Variants in CTNNA3 observed in about 807,000 individuals in gnomAD.
CTNNA3 encodes the protein catenin alpha 3.
A neutral mutation model predicts 95.7 loss-of-function variants in CTNNA3; 76 were observed. That is an observed-to-expected ratio of 0.79 (90% CI 0.66 to 0.96). The LOEUF (loss-of-function observed/expected upper bound fraction) is 0.96. CTNNA3 is among the 40% of genes least tolerant of loss of function. CTNNA3 has a pLI of 0.00. For missense variants in CTNNA3, 1,191 were observed against 1,089.8 expected (o/e 1.09, Z -1.31); for synonymous variants, 431 against 374.4 (o/e 1.15, Z -1.74).
chr10:67,523,181 C>T (rs571390303), intron 4 of CTNNA3, among the ~76,000 whole-genome samples: 157 of 152,200 alleles, frequency 1.0e-3, no homozygotes, highest in Admixed American at 1.9e-3. Context: ...CAGTGCTAAG[C>T]TTCCATGACA....
At chr10:67,336,780 G>T (rs976788917) in intron 5 of CTNNA3, among the ~76,000 whole-genome samples, 10 of 152,248 alleles carry the variant, frequency 6.6e-5, no homozygotes, top group Middle Eastern at 3.4e-3. Flanking sequence ...TAAGAACTGT[G>T]ATAAATCTAC....
chr10:66,104,646 G>A (rs2133751279), intron 13 of CTNNA3, among the ~76,000 whole-genome samples: 1 of 152,210 alleles, frequency 6.6e-6, no homozygotes, highest in East Asian at 1.9e-4. Flanking sequence ...CACTCTGTAT[G>A]ATTCCTTTGC....
At chr10:66,859,976 T>G (rs1589345035) in intron 7 of CTNNA3, among the ~76,000 whole-genome samples, 1 of 114,386 alleles carries the variant, frequency 8.7e-6, no homozygotes, top group Non-Finnish European at 1.7e-5. Flanking sequence ...TGAGAACACA[T>G]GGACACAGGA....
chr10:66,063,316 AT>A (rs370596664), intron 15 of CTNNA3, among the ~76,000 whole-genome samples: 11,917 of 134,906 alleles, frequency 0.088, 615 homozygotes, highest in Non-Finnish European at 0.14. Context: ...CTATATATAT[AT>A]ATAATATATA....
intron 11 of CTNNA3, among the ~76,000 whole-genome samples, chr10:66,433,962 G>A (rs1013685502): frequency 2.6e-5 from 4 of 152,164 alleles, no homozygotes; most frequent in Non-Finnish European, 5.9e-5. Flanking sequence ...TAGATGTGTG[G>A]TGTTATTTCT....
At chr10:67,382,881 A>T (rs1487886695) in intron 5 of CTNNA3, among the ~76,000 whole-genome samples, 6 of 152,082 alleles carry the variant, frequency 3.9e-5, no homozygotes, top group Admixed American at 3.9e-4. Context: ...TTTCATGTGA[A>T]CTCATACAGT....
intron 13 of CTNNA3, among the ~76,000 whole-genome samples, chr10:66,148,041 T>A (rs988701705): frequency 6.6e-6 from 1 of 151,772 alleles, no homozygotes; most frequent in Non-Finnish European, 1.5e-5. Context: ...ATTTCCTATA[T>A]CCTTGATTGT....
At chr10:67,021,126 C>G (rs10762127) in intron 7 of CTNNA3, among the ~76,000 whole-genome samples, 13 of 152,058 alleles carry the variant, frequency 8.5e-5, no homozygotes, top group Non-Finnish European at 1.5e-4. Context: ...TAAAATGTGA[C>G]GGAAGAGGAA....
At position 67,514,902 on chromosome 10, in the gene CTNNA3, A is replaced by G. The variant is rs1839764576; in HGVS notation, c.579+6940T>C. Reference sequence around the variant, plus strand: ...AAAATTAATAAATCTTCTCTGGTGCATGAAAATCAGCTAACGCTTGACTCA... The same window carrying G: ...AAAATTAATAAATCTTCTCTGGTGCGTGAAAATCAGCTAACGCTTGACTCA... On this transcript the variant is annotated intron_variant, in intron 5 of 17. Transcript: ENST00000433211. 2.6e-5 allele frequency among the ~76,000 whole-genome samples: 4 copies of G among 152,236 alleles called. No homozygotes were observed. The South Asian group carries it at 8.3e-4, about 31-fold the overall frequency.
rs762187965 is a variant in CTNNA3, at chr10:65,920,328, T to C, written c.*2A>G. On this transcript the variant is annotated 3_prime_UTR_variant, in exon 18 of 18. Transcript: ENST00000433211. ...ATAGGCACTATATGTAGAATAGTGG[T>C]TTCAGTAGATTTGTCTTCCTCTAAA... 1 of 1,612,504 alleles carries C rather than the reference T, an allele frequency of 6.2e-7. No homozygotes were observed. Among genetic ancestry groups the C allele is most frequent in the East Asian group, 2.2e-5 (1 of 44,876 alleles).
intron 11 of CTNNA3, among the ~76,000 whole-genome samples, chr10:66,397,023 A>T (rs553251820): frequency 2.0e-5 from 3 of 151,842 alleles, no homozygotes; most frequent in South Asian, 4.2e-4. Flanking sequence ...GTATCTATTA[A>T]ATAGGACCCT....
At chr10:67,356,919 C>T (rs577843381) in intron 5 of CTNNA3, among the ~76,000 whole-genome samples, 2 of 152,218 alleles carry the variant, frequency 1.3e-5, no homozygotes, top group African/African-American at 4.8e-5. Context: ...ACTGGTTTCA[C>T]TTTAAATTCA....
At chr10:67,253,019 TC>T (rs1326462549) in intron 5 of CTNNA3, among the ~76,000 whole-genome samples, 6 of 152,182 alleles carry the variant, frequency 3.9e-5, no homozygotes, top group Non-Finnish European at 7.4e-5. Flanking sequence ...ATTATTTTTT[TC>T]CTTACTAATT....
upstream of CTNNA3, among the ~76,000 whole-genome samples, chr10:67,700,241 T>C (rs938905901): frequency 6.6e-6 from 1 of 152,226 alleles, no homozygotes; most frequent in East Asian, 1.9e-4. Context: ...CAGACTTAAG[T>C]GTACCTGTCT....
At chr10:67,044,371 C>T (rs1354416258) in intron 7 of CTNNA3, among the ~76,000 whole-genome samples, 1 of 151,932 alleles carries the variant, frequency 6.6e-6, no homozygotes, top group Non-Finnish European at 1.5e-5. Flanking sequence ...AATTACCTGG[C>T]ACTATAATAT....
chr10:67,278,931 G>A (rs1446145933), intron 5 of CTNNA3, among the ~76,000 whole-genome samples: 1 of 152,102 alleles, frequency 6.6e-6, no homozygotes, highest in African/African-American at 2.4e-5. Context: ...AGACCCCTTA[G>A]AAAGGAATTT....
At chr10:67,681,164 T>A (rs1234566817) in intron 1 of CTNNA3, among the ~76,000 whole-genome samples, 1 of 152,184 alleles carries the variant, frequency 6.6e-6, no homozygotes, top group Non-Finnish European at 1.5e-5. Context: ...CTTGAGAACT[T>A]GATAAAATGT....
Position 67,143,425 on chromosome 10 carries a change from T to TAAAAAAAAAAAAAAAAAAAAAAAAAAAA in CTNNA3, c.1047+36891_1047+36892insTTTTTTTTTTTTTTTTTTTTTTTTTTTT, listed in dbSNP as rs61603392. On this transcript the variant is annotated intron_variant, in intron 7 of 17. Transcript: ENST00000433211. ...TGGGTGACTGAGCAAGGCTCTGTCT[T>TAAAAAAAAAAAAAAAAAAAAAAAAAAAA]AAAAAAAAAAAAAAAAAAAAAATTA... Among the ~76,000 whole-genome samples, 60 of 75,960 alleles carry TAAAAAAAAAAAAAAAAAAAAAAAAAAAA rather than the reference T, an allele frequency of 7.9e-4. 7 individuals carry two copies. Among genetic ancestry groups the TAAAAAAAAAAAAAAAAAAAAAAAAAAAA allele is most frequent in the East Asian group, 1.7e-3 (5 of 2,970 alleles). 49.8% of individuals were successfully genotyped at this position (75,960 alleles called of 152,430 possible).
At chr10:67,184,865 G>A (rs988297439) in intron 6 of CTNNA3, among the ~76,000 whole-genome samples, 3 of 152,096 alleles carry the variant, frequency 2.0e-5, no homozygotes, top group Non-Finnish European at 2.9e-5. Flanking sequence ...TCAAACTGAT[G>A]TTTTATCTTT....
Sources: allele counts gnomAD v4.1 joint callset (sites outside exome capture counted in the v4.1 genomes callset), GRCh38; gene constraint gnomAD v4.1.1; transcripts MANE v1.5; gene names NCBI Gene and HGNC (gene_info 2026-07-23, HGNC 2026-07-21).